The following SDK1 variants were observed in gnomAD, a reference collection of about 807,000 sequenced individuals.
The protein encoded by SDK1 is sidekick cell adhesion molecule 1.
Under a neutral mutation model 245.5 loss-of-function variants are expected in SDK1, and 157 were observed. That is an observed-to-expected ratio of 0.64 (90% confidence interval 0.56 to 0.73). The LOEUF is 0.73. Ranked by LOEUF, SDK1 falls within the 30% of genes least tolerant of loss-of-function variation. The pLI is 0.00. For synonymous variants in SDK1, 1,647 were observed against 1,278.5 expected, an observed-to-expected ratio of 1.29 and a Z score of -6.15; for missense variants, 3,583 against 3,002.3, an observed-to-expected ratio of 1.19 and a Z score of -4.52.
At chr7:3,402,981 C>G (rs1778929812) in intron 1 of SDK1, among the ~76,000 whole-genome samples, 1 of 152,098 alleles carries the variant, frequency 6.6e-6, no homozygotes, top group African/African-American at 2.4e-5. Context: ...GAGTTTCACT[C>G]TGGAGTGCAG....
At chr7:3,957,093 C>G (rs989947225) in intron 7 of SDK1, among the ~76,000 whole-genome samples, 1 of 152,140 alleles carries the variant, frequency 6.6e-6, no homozygotes, top group Non-Finnish European at 1.5e-5. Context: ...AAGTTACACT[C>G]GATGACCTCC....
intron 4 of SDK1, among the ~76,000 whole-genome samples, chr7:3,680,641 T>A (rs1299856259): frequency 1.4e-4 from 21 of 152,158 alleles, no homozygotes; most frequent in Admixed American, 1.4e-3. Context: ...TTATTTAAAA[T>A]CTAGTGATTT....
intron 28 of SDK1, among the ~76,000 whole-genome samples, chr7:4,140,072 C>T (rs1779471190): frequency 1.3e-5 from 2 of 152,148 alleles, no homozygotes; most frequent in African/African-American, 4.8e-5. Flanking sequence ...TGCCTTGTCC[C>T]CCTGTCACCA....
chr7:3,371,883 T>G (rs1448100296), intron 1 of SDK1, among the ~76,000 whole-genome samples: 1 of 152,162 alleles, frequency 6.6e-6, no homozygotes, highest in Admixed American at 6.5e-5. Context: ...AACAGAGGTT[T>G]CTACTTAGAT....
At chr7:3,692,345 G>A (rs1426750482) in intron 4 of SDK1, among the ~76,000 whole-genome samples, 1 of 152,006 alleles carries the variant, frequency 6.6e-6, no homozygotes, top group African/African-American at 2.4e-5. Context: ...TTTCTTTAGT[G>A]TGTATATGTG....
chr7:3,603,851 C>T (rs530919065), intron 1 of SDK1, among the ~76,000 whole-genome samples: 12 of 152,184 alleles, frequency 7.9e-5, no homozygotes, highest in South Asian at 2.1e-4. Flanking sequence ...TTTTGAGATA[C>T]GTCCCATCAA....
chr7:3,616,640 A>G (rs1038999753), intron 1 of SDK1, among the ~76,000 whole-genome samples: 1 of 152,248 alleles, frequency 6.6e-6, no homozygotes, highest in Non-Finnish European at 1.5e-5. Flanking sequence ...GAATGAATAA[A>G]TGAATAAATA....
chr7:3,745,106 T>G (rs1328345213), intron 4 of SDK1, among the ~76,000 whole-genome samples: 1 of 152,184 alleles, frequency 6.6e-6, no homozygotes, highest in African/African-American at 2.4e-5. Flanking sequence ...CATTGCTGAA[T>G]TTAATCTTTG....
chr7:4,049,250 G>A, intron 17 of SDK1, 98 bp from the exon 18 acceptor site: 1 of 834,722 alleles, frequency 1.2e-6, no homozygotes, highest in Non-Finnish European at 2.0e-6. Flanking sequence ...ATAATTGCCT[G>A]TGAGCATGAT....
intron 1 of SDK1, among the ~76,000 whole-genome samples, chr7:3,324,600 C>G (rs1158503756): frequency 6.6e-6 from 1 of 152,126 alleles, no homozygotes; most frequent in East Asian, 1.9e-4. Flanking sequence ...ATAGGAAATA[C>G]ACTCCCATTG....
rs1785204588 is a variant in SDK1 at position 3,716,472 on chromosome 7, A to C, written c.713+74367A>C. 3.9e-5 allele frequency among the ~76,000 whole-genome samples: 6 copies of C among 152,352 alleles called. No homozygotes were observed. The South Asian group carries it at 8.3e-4, about 21-fold the overall frequency. On this transcript the variant is annotated intron_variant, in intron 4 of 44. Transcript: ENST00000404826. The stretch of plus-strand genomic sequence containing the variant: ...TATCATTCAAGTATGAGGGGAGGCC[A>C]CGTGTTATCACGTGTAATATCAGAC...
intron 1 of SDK1, among the ~76,000 whole-genome samples, chr7:3,452,243 A>G (rs1780536476): frequency 6.6e-6 from 1 of 152,254 alleles, no homozygotes; most frequent in East Asian, 1.9e-4. Flanking sequence ...TATTTTCTCA[A>G]GGACTCTAGG....
chr7:3,962,482 T>C (rs756154188), intron 8 of SDK1, among the ~76,000 whole-genome samples, 175 bp from the exon 9 acceptor site: 1 of 152,212 alleles, frequency 6.6e-6, no homozygotes, highest in Non-Finnish European at 1.5e-5. Context: ...CACCCCTCCG[T>C]GTCGATGGCT....
rs897952012 is a variant in SDK1 at position 4,266,801 on chromosome 7, C to T, written c.*1417C>T. 6.1e-6 allele frequency: 6 copies of T among 985,386 alleles called. No individual in the cohort carries two copies. Among genetic ancestry groups the T allele is most frequent in the Non-Finnish European group, 7.2e-6 (6 of 830,016 alleles). The allele number at this position is 985,386 out of a possible 1,614,324, so 61.0% of individuals were successfully genotyped here. On this transcript the variant is annotated 3_prime_UTR_variant, in exon 45 of 45. Coordinates refer to ENST00000404826, the MANE Select transcript of SDK1 (RefSeq NM_152744.4). ...GCCCACTGGCGTGTGTGCCCCGGGT[C>T]CCTGTAAGTGCCCCCTCACCAGCAG...
At chr7:3,898,336 G>A (rs1329360996) in intron 5 of SDK1, among the ~76,000 whole-genome samples, 1 of 152,178 alleles carries the variant, frequency 6.6e-6, no homozygotes, top group African/African-American at 2.4e-5. Context: ...AGCAAAAAGC[G>A]CAGACATGGG....
intron 1 of SDK1, among the ~76,000 whole-genome samples, chr7:3,590,892 C>T (rs1338511297): frequency 6.6e-6 from 1 of 151,728 alleles, no homozygotes; most frequent in Non-Finnish European, 1.5e-5. Flanking sequence ...AAGCGATCCT[C>T]CTGCCTCAGC....
At chr7:3,988,712 G>A (rs567599873) in intron 14 of SDK1, among the ~76,000 whole-genome samples, 2 of 152,254 alleles carry the variant, frequency 1.3e-5, no homozygotes, top group East Asian at 3.9e-4. Flanking sequence ...CTTCATGATA[G>A]ATAATCCATT....
At chr7:3,871,764 A>G (rs770763904) in intron 5 of SDK1, among the ~76,000 whole-genome samples, 2 of 152,116 alleles carry the variant, frequency 1.3e-5, no homozygotes, top group Non-Finnish European at 2.9e-5. Context: ...CATGACCCCA[A>G]CGCCACCCAC....
chr7:3,540,851 A>G (rs777355042), intron 1 of SDK1, among the ~76,000 whole-genome samples: 4 of 152,226 alleles, frequency 2.6e-5, no homozygotes, highest in Non-Finnish European at 5.9e-5. Context: ...AAAATATTTC[A>G]AGGAATTTAC....
Sources: allele counts gnomAD v4.1 joint callset (sites outside exome capture counted in the v4.1 genomes callset), GRCh38; gene constraint gnomAD v4.1.1; transcripts MANE v1.5; gene names NCBI Gene and HGNC (gene_info 2026-07-23, HGNC 2026-07-21).